APPL2: variants seen among roughly 807,000 people sequenced by gnomAD.
The protein encoded by APPL2 is adaptor protein, phosphotyrosine interacting with PH domain and leucine zipper 2, also known as DCC-interacting protein 13-beta.
In APPL2, 84 loss-of-function variants were observed where a neutral mutation model predicts 92.7. That is an observed-to-expected ratio of 0.91 (90% CI 0.76 to 1.09). The LOEUF (loss-of-function observed/expected upper bound fraction) is 1.09. APPL2 is among the 50% of genes least tolerant of loss of function. The probability of loss-of-function intolerance (pLI) is 0.00; values close to 1 mark genes in which losing one functional copy is unlikely to be tolerated. For missense variants in APPL2, 736 were observed against 824.5 expected (o/e 0.89, Z 1.31); for synonymous variants, 291 against 291.0 (o/e 1.00, Z 0.00).
At chr12:105,189,577 G>A (rs529582207) in intron 16 of APPL2, among the ~76,000 whole-genome samples, 195 bp downstream of exon 16, 35 of 152,184 alleles carry the variant, frequency 2.3e-4, no homozygotes, top group Admixed American at 5.9e-4. Context: ...ATAGCTGTAG[G>A]TGGTCTTTCA....
intron 2 of APPL2, among the ~76,000 whole-genome samples, chr12:105,222,716 G>C (rs1167174353): frequency 6.6e-6 from 1 of 152,142 alleles, no homozygotes; most frequent in Non-Finnish European, 1.5e-5. Context: ...ATCTAACTCT[G>C]AGCTCTGGGA....
At chr12:105,176,676 T>A in intron 19 of APPL2, 200 bp downstream of exon 19, 17 of 613,124 alleles carry the variant, frequency 2.8e-5, no homozygotes. Context: ...CACCCTATTC[T>A]GGTTGATAGG....
chr12:105,205,210 G>A (rs908196405), intron 8 of APPL2, among the ~76,000 whole-genome samples: 1 of 152,222 alleles, frequency 6.6e-6, no homozygotes, highest in Non-Finnish European at 1.5e-5. Flanking sequence ...ATCACTCCAC[G>A]GTGCCAGGCA....
chr12:105,190,106 G>A lies in APPL2; in HGVS notation c.1291C>T (p.Pro431Ser). ...EMENENDKIV[P>S]KATASLPEAE... ...TCAGGTAGACTGGCTGTTGCTTTGG[G>A]AACAATCTTGTCATTTTCATTTTCC... is the stretch of plus-strand genomic sequence containing the variant. Residue 431 changes from proline to serine, a missense_variant, in exon 15 of 21, where the codon CCC becomes TCC. Pro to Ser is a moderately conservative substitution (Grantham distance 74). Coordinates refer to ENST00000258530, the MANE Select transcript of APPL2 (RefSeq NM_018171.5). 1 of 1,614,036 alleles carries A rather than the reference G, an allele frequency of 6.2e-7. No homozygotes were observed. The highest frequency in any genetic ancestry group is 1.3e-5 in the African/African-American group (1 of 75,036).
chr12:105,213,366 C>A (rs1278113189), intron 4 of APPL2, among the ~76,000 whole-genome samples: 1 of 152,332 alleles, frequency 6.6e-6, no homozygotes, highest in East Asian at 1.9e-4. Flanking sequence ...TCACCTCTCA[C>A]AACTTTAGCA....
intron 2 of APPL2, among the ~76,000 whole-genome samples, chr12:105,225,339 C>T (rs1032299189): frequency 7.9e-5 from 12 of 152,140 alleles, no homozygotes; most frequent in African/African-American, 2.4e-4. Flanking sequence ...CCCACTTTCT[C>T]AGTACAACAG....
chr12:105,183,688 C>A (rs1886338381), intron 17 of APPL2, among the ~76,000 whole-genome samples: 1 of 152,182 alleles, frequency 6.6e-6, no homozygotes, highest in Non-Finnish European at 1.5e-5. Flanking sequence ...CTGCCCTTAA[C>A]ATTTTTTCCT....
At chr12:105,234,315 T>C (rs976859729) in intron 1 of APPL2, among the ~76,000 whole-genome samples, 1 of 152,214 alleles carries the variant, frequency 6.6e-6, no homozygotes, top group African/African-American at 2.4e-5. Context: ...AGATGTTCTG[T>C]AGATTAGGAA....
chr12:105,220,842 CA>C (rs1555256431), intron 2 of APPL2, among the ~76,000 whole-genome samples: 2 of 152,218 alleles, frequency 1.3e-5, no homozygotes, highest in Non-Finnish European at 2.9e-5. Context: ...GCACAGCGTG[CA>C]ACACACAACA....
intron 10 of APPL2, 138 bp from the exon 11 acceptor site, chr12:105,198,091 A>T: frequency 1.3e-6 from 1 of 792,562 alleles, no homozygotes; most frequent in Non-Finnish European, 2.0e-6. Flanking sequence ...AAAACTGCCC[A>T]TTCAAGTGGA....
At position 105,203,753 on chromosome 12, in the gene APPL2, A is replaced by G. The variant is rs376329935; in HGVS notation, c.654T>C (p.Phe218=). ...INFFKKGAEM[F]SKRMDSFLSS... ...ATAAAAAGCTGTCCATACGTTTGGAAAACATCTCTGCTCCCTTCTTAAAAA... is the reference window on the plus strand; with the variant it reads ...ATAAAAAGCTGTCCATACGTTTGGAGAACATCTCTGCTCCCTTCTTAAAAA... Residue 218 remains phenylalanine, a synonymous_variant, in exon 9 of 21, where the codon TTT becomes TTC. Coordinates refer to ENST00000258530, the MANE Select transcript of APPL2 (RefSeq NM_018171.5). 2.2e-5 allele frequency: 36 copies of G among 1,614,066 alleles called. No individual in the cohort carries two copies. The Middle Eastern group carries it at 8.2e-4, about 37-fold the overall frequency.
Position 105,173,357 on chromosome 12 carries a change from T to C in APPL2, c.*957A>G, listed in dbSNP as rs703683. On this transcript the variant is annotated 3_prime_UTR_variant, in exon 21 of 21. Coordinates refer to ENST00000258530, the MANE Select transcript of APPL2 (RefSeq NM_018171.5). ...TATTACAAAGATAATAATAGTCTGT[T>C]GAACTTAGTTACAGTTAAACACACT... 19,388 of 152,604 alleles carry C rather than the reference T, an allele frequency of 0.13. 1,353 individuals carry two copies. The highest frequency in any genetic ancestry group is 0.25 in the East Asian group (1,292 of 5,180). The allele number at this position is 152,604 out of a possible 1,614,324, so 9.5% of individuals were successfully genotyped here. A position where few individuals can be genotyped will look rare whatever the true frequency, so the allele number is the denominator to read the frequency against.
At chr12:105,213,907 C>T (rs1196763) in intron 4 of APPL2, among the ~76,000 whole-genome samples, 103,190 of 151,998 alleles carry the variant, frequency 0.68, 36,415 homozygotes, top group East Asian at 1. Flanking sequence ...ACACTTCTGG[C>T]TGGGCGTGGT....
chr12:105,179,885 T>C (rs939788854), intron 17 of APPL2, among the ~76,000 whole-genome samples: 2 of 152,366 alleles, frequency 1.3e-5, no homozygotes, highest in Admixed American at 1.3e-4. Flanking sequence ...CTCTGTCAGA[T>C]GGATAGATTG....
At chr12:105,195,702 C>A (rs1887580731) in intron 11 of APPL2, 75 bp from the exon 12 acceptor site, 1 of 1,543,632 alleles carries the variant, frequency 6.5e-7, no homozygotes, top group East Asian at 2.2e-5. Flanking sequence ...ATAAACTGAA[C>A]TTAGCTGGGG....
chr12:105,188,300 T>G lies in APPL2; in HGVS notation c.1607A>C (p.His536Pro), dbSNP rs1209249017. ...CAAAGATTGACTGGTGACCATCAGA[T>G]GGGATTCTGTCATGCGGAAGATGTT... ...IHNIFRMTES[H>P]LMVTSQSLRL... Residue 536 changes from histidine to proline, a missense_variant, in exon 17 of 21, where the codon CAT becomes CCT. Physicochemically the swap from His to Pro is moderately conservative, Grantham distance 77. Coordinates refer to ENST00000258530, the MANE Select transcript of APPL2 (RefSeq NM_018171.5). 2 of 1,614,034 alleles carry G rather than the reference T, an allele frequency of 1.2e-6. No homozygotes were observed. Among genetic ancestry groups the G allele is most frequent in the African/African-American group, 2.7e-5 (2 of 74,934 alleles).
intron 20 of APPL2, 30 bp from the exon 21 acceptor site, chr12:105,174,478 A>G (rs753530146): frequency 3.1e-6 from 5 of 1,602,086 alleles, no homozygotes; most frequent in Admixed American, 3.5e-5. Flanking sequence ...AAAGGGAAAA[A>G]AGAAAAGGCT....
chr12:105,214,824 T>C (rs1196765), intron 4 of APPL2, among the ~76,000 whole-genome samples: 125,764 of 152,150 alleles, frequency 0.83, 52,272 homozygotes, highest in East Asian at 1. Context: ...TTGGAGCTTT[T>C]AGCCCCGCCC....
At chr12:105,219,970 T>C (rs770715338) in intron 2 of APPL2, among the ~76,000 whole-genome samples, 8 of 152,268 alleles carry the variant, frequency 5.3e-5, no homozygotes, top group Non-Finnish European at 7.3e-5. Flanking sequence ...TGCCAGACCC[T>C]ATGCTAAATG....
Sources: gnomAD v4.1 joint callset for allele counts (sites outside exome capture counted in the v4.1 genomes callset) on GRCh38, gnomAD v4.1.1 for gene constraint, MANE v1.5 for transcripts, NCBI Gene and HGNC (gene_info 2026-07-23, HGNC 2026-07-21) for gene names.